PELI2: variants seen among roughly 807,000 people sequenced by gnomAD.
PELI2 encodes pellino E3 ubiquitin protein ligase family member 2.
PELI2 carries 23 observed loss-of-function variants against 42.3 expected under a neutral mutation model. The observed-to-expected ratio is 0.54, with a 90% CI of 0.39 to 0.77. The LOEUF is 0.77. Among genes scored for constraint, PELI2 ranks in the 30% least tolerant of loss-of-function variants. PELI2 has a pLI of 0.00. For synonymous variants in PELI2, 245 were observed against 212.2 expected, an observed-to-expected ratio of 1.15 and a Z score of -1.34; for missense variants, 463 against 553.2, an observed-to-expected ratio of 0.84 and a Z score of 1.64.
chr14:56,277,674 T>C (rs1889341707), intron 2 of PELI2, among the ~76,000 whole-genome samples: 2 of 152,154 alleles, frequency 1.3e-5, no homozygotes, highest in Admixed American at 1.3e-4. Context: ...ACCCTGTCCA[T>C]GGCTGTGCTA....
chr14:56,139,167 G>T (rs1392687858), intron 1 of PELI2, among the ~76,000 whole-genome samples: 1 of 152,106 alleles, frequency 6.6e-6, no homozygotes, highest in Non-Finnish European at 1.5e-5. Context: ...ACTTTCCTTG[G>T]TTTGGTGCTG....
chr14:56,157,553 A>G (rs1207238356), intron 1 of PELI2, among the ~76,000 whole-genome samples: 1 of 152,200 alleles, frequency 6.6e-6, no homozygotes, highest in Admixed American at 6.5e-5. Flanking sequence ...AAAATCTCTC[A>G]GGGGTAATTG....
At chr14:56,149,924 G>A (rs1363900084) in intron 1 of PELI2, among the ~76,000 whole-genome samples, 2 of 151,982 alleles carry the variant, frequency 1.3e-5, no homozygotes, top group South Asian at 2.1e-4. Flanking sequence ...GGTACTGTTC[G>A]GAGATTTAAC....
intron 1 of PELI2, among the ~76,000 whole-genome samples, chr14:56,157,864 C>T (rs575283828): frequency 6.6e-6 from 1 of 152,256 alleles, no homozygotes. Flanking sequence ...AGGTATGATA[C>T]AGAGGATTCC....
intron 2 of PELI2, among the ~76,000 whole-genome samples, chr14:56,187,825 T>C (rs1885819977): frequency 6.6e-6 from 1 of 152,206 alleles, no homozygotes; most frequent in East Asian, 1.9e-4. Flanking sequence ...AGCCTAGGTT[T>C]GGGAGCTCTC....
intron 2 of PELI2, among the ~76,000 whole-genome samples, chr14:56,188,968 T>G (rs1259664526): frequency 6.6e-6 from 1 of 152,130 alleles, no homozygotes; most frequent in Non-Finnish European, 1.5e-5. Context: ...GAGACCAGCC[T>G]GACCAATATG....
At position 56,299,048 on chromosome 14, in the gene PELI2, C is replaced by T. The variant is rs1890097659; in HGVS notation, c.*1882C>T. On this transcript the variant is annotated 3_prime_UTR_variant, in exon 6 of 6. Coordinates refer to ENST00000267460, the MANE Select transcript of PELI2 (RefSeq NM_021255.3). ...CTTTCACTGATAGAGTATGTCTTTT[C>T]AGCCTGTAATTCTTTGGGCCCCAAA... 1 of 152,136 alleles carries T rather than the reference C, an allele frequency of 6.6e-6. No homozygotes were observed. The allele number at this position is 152,136 out of a possible 1,614,324, so 9.4% of individuals were successfully genotyped here.
chr14:56,169,835 C>G (rs1378248552), intron 1 of PELI2, among the ~76,000 whole-genome samples: 1 of 152,108 alleles, frequency 6.6e-6, no homozygotes, highest in Non-Finnish European at 1.5e-5. Flanking sequence ...CGTTTCTGGG[C>G]TTTATAGTCC....
intron 2 of PELI2, among the ~76,000 whole-genome samples, chr14:56,193,416 A>G (rs1355886102): frequency 6.6e-6 from 1 of 152,204 alleles, no homozygotes; most frequent in Non-Finnish European, 1.5e-5. Flanking sequence ...TGCTAATTTC[A>G]AAGAATAAAA....
At chr14:56,136,838 G>A (rs780931426) in intron 1 of PELI2, among the ~76,000 whole-genome samples, 27 of 151,992 alleles carry the variant, frequency 1.8e-4, no homozygotes, top group Non-Finnish European at 3.4e-4. Flanking sequence ...TGCACTCTGA[G>A]ATCATTACTT....
At chr14:56,188,838 T>C (rs1885860513) in intron 2 of PELI2, among the ~76,000 whole-genome samples, 1 of 152,214 alleles carries the variant, frequency 6.6e-6, no homozygotes, top group South Asian at 2.1e-4. Context: ...AAAAGATGCC[T>C]TTTTGTGGCT....
At position 56,219,494 on chromosome 14, in the gene PELI2, C is replaced by T. The variant is rs1887044904; in HGVS notation, c.207+41030C>T. Among the ~76,000 whole-genome samples the T allele has an allele frequency of 6.6e-6, 1 of 152,182 alleles. No individual in the cohort carries two copies. Among genetic ancestry groups the T allele is most frequent in the Admixed American group, 6.5e-5 (1 of 15,286 alleles). On this transcript the variant is annotated intron_variant, in intron 2 of 5. Coordinates refer to ENST00000267460, the MANE Select transcript of PELI2 (RefSeq NM_021255.3). This position sits in a 1 kb window ranked among gnomAD's most constrained non-coding sequence, Gnocchi z 4.1. ...GTTTTACCCCTCAGCACTCAGCTAT[C>T]ACAGTCATAGCTCTCTCATCTGAGC...
chr14:56,148,314 A>T (rs993076490), intron 1 of PELI2, among the ~76,000 whole-genome samples: 1 of 152,184 alleles, frequency 6.6e-6, no homozygotes, highest in Non-Finnish European at 1.5e-5. Flanking sequence ...TCTAGTAACA[A>T]TGAAAAGAGA....
At chr14:56,284,148 T>C (rs890738400) in intron 3 of PELI2, among the ~76,000 whole-genome samples, 1 of 152,182 alleles carries the variant, frequency 6.6e-6, no homozygotes, top group Non-Finnish European at 1.5e-5. Flanking sequence ...TTGGAGTCAG[T>C]TAGTAGACTC....
chr14:56,160,376 C>T (rs1884716252), intron 1 of PELI2, among the ~76,000 whole-genome samples: 1 of 152,216 alleles, frequency 6.6e-6, no homozygotes, highest in Admixed American at 6.5e-5. Flanking sequence ...AGCCAGGACA[C>T]AGTCCTCCTC....
intron 2 of PELI2, among the ~76,000 whole-genome samples, chr14:56,260,580 T>C: frequency 6.6e-6 from 1 of 152,278 alleles, no homozygotes; most frequent in Non-Finnish European, 1.5e-5. Context: ...TTGTCAAAAC[T>C]CCTCAAATTG....
At chr14:56,132,426 G>A (rs1284442778) in intron 1 of PELI2, among the ~76,000 whole-genome samples, 1 of 152,242 alleles carries the variant, frequency 6.6e-6, no homozygotes, top group African/African-American at 2.4e-5. Context: ...AAGGTCCGAA[G>A]TTGTGATGAT....
intron 2 of PELI2, among the ~76,000 whole-genome samples, chr14:56,200,986 A>G (rs1425715764): frequency 6.6e-6 from 1 of 152,220 alleles, no homozygotes; most frequent in African/African-American, 2.4e-5. Context: ...AGTCATCTCT[A>G]ATATTAAAAT....
chr14:56,226,501 T>C (rs921972883), intron 2 of PELI2, among the ~76,000 whole-genome samples: 9 of 152,202 alleles, frequency 5.9e-5, no homozygotes, highest in African/African-American at 1.4e-4. Context: ...TCTAATCCAC[T>C]TGTATGGATT....
Sources: allele counts gnomAD v4.1 joint callset (sites outside exome capture counted in the v4.1 genomes callset), GRCh38; gene constraint gnomAD v4.1.1; non-coding constraint Gnocchi (gnomAD v3.1); transcripts MANE v1.5; gene names NCBI Gene and HGNC (gene_info 2026-07-23, HGNC 2026-07-21).